CEP63: variants seen among roughly 807,000 people sequenced by gnomAD.
The protein encoded by CEP63 is centrosomal protein of 63 kDa.
Under a neutral mutation model 89.1 loss-of-function variants are expected in CEP63, and 84 were observed. The ratio of observed to expected loss-of-function variants is 0.94; its 90% CI spans 0.79 to 1.13. The LOEUF (loss-of-function observed/expected upper bound fraction) is 1.13. Among genes scored for constraint, CEP63 ranks in the 50% most tolerant of loss-of-function variants. The probability of loss-of-function intolerance (pLI) is 0.00; values close to 1 mark genes in which losing one functional copy is unlikely to be tolerated. For synonymous variants in CEP63, 267 were observed against 272.5 expected (o/e 0.98, Z 0.20); for missense variants, 838 against 813.3 (o/e 1.03, Z -0.37).
intron 2 of CEP63, among the ~76,000 whole-genome samples, chr3:134,501,895 T>C (rs574497922): frequency 6.6e-6 from 1 of 152,310 alleles, no homozygotes; most frequent in Non-Finnish European, 1.5e-5. Context: ...GAGGACATCC[T>C]TGTCATGTCC....
At chr3:134,603,534 G>T in the CEP63 span, 1 of 1,518,980 alleles carries the variant, frequency 6.6e-7, no homozygotes, top group Non-Finnish European at 8.9e-7. Flanking sequence ...TCCCTGGGGA[G>T]GTCTGGCCTT....
At chr3:134,705,138 T>A in the CEP63 span, among the ~76,000 whole-genome samples, 2 of 152,192 alleles carry the variant, frequency 1.3e-5, no homozygotes, top group South Asian at 2.1e-4. Context: ...TTTTGAGTTG[T>A]TATAACAAAA....
chr3:134,591,654 A>G (rs546994088), downstream of CEP63, among the ~76,000 whole-genome samples: 63 of 152,198 alleles, frequency 4.1e-4, no homozygotes, highest in South Asian at 1.2e-3. Flanking sequence ...TCAGGAGTTC[A>G]AGACCAGCCT....
chr3:134,658,840 C>A, the CEP63 span, among the ~76,000 whole-genome samples: 1 of 152,184 alleles, frequency 6.6e-6, no homozygotes, highest in Non-Finnish European at 1.5e-5. Flanking sequence ...CTGCTCCCTG[C>A]TCCGATCAGA....
At chr3:134,754,171 A>G in the CEP63 span, among the ~76,000 whole-genome samples, 2 of 152,178 alleles carry the variant, frequency 1.3e-5, no homozygotes, top group Non-Finnish European at 2.9e-5. Context: ...TGCATCACAC[A>G]CACGGTGATG....
Position 134,584,956 on chromosome 3 carries a change from G to GTTTTTTTTTTTTTTTTTTTTTTTTTTTTT in CEP63, c.1207-2484_1207-2483insTTTTTTTTTTTTTTTTTTTTTTTTTTTTT, listed in dbSNP as rs780691730. On this transcript the variant is annotated intron_variant, in intron 10 of 10. Coordinates refer to the CEP63 transcript ENST00000683931. ...ATCCATTTCTTCTAGATTTTCTAGG[G>GTTTTTTTTTTTTTTTTTTTTTTTTTTTTT]TTTTTTTTTTTTTTTTTTGCATGGA... 3.3e-4 allele frequency among the ~76,000 whole-genome samples: 12 copies of GTTTTTTTTTTTTTTTTTTTTTTTTTTTTT among 36,028 alleles called. 1 individual carries two copies. Among genetic ancestry groups the GTTTTTTTTTTTTTTTTTTTTTTTTTTTTT allele is most frequent in the South Asian group, 1.3e-3 (1 of 744 alleles). The allele number at this position is 36,028 out of a possible 152,430, so 23.6% of individuals were successfully genotyped here. A position where few individuals can be genotyped will look rare whatever the true frequency, so the allele number is the denominator to read the frequency against.
rs970047902 is a variant in CEP63 at position 134,559,114 on chromosome 3, T to A, written c.1674-36T>A. Reference sequence around the variant, plus strand: ...GTTGGAAAGAGAAAAGTTGCTACAATTTTTTATTTGTTTTGTTTTCTAATC... The same window carrying A: ...GTTGGAAAGAGAAAAGTTGCTACAAATTTTTATTTGTTTTGTTTTCTAATC... On this transcript the variant is annotated intron_variant, in intron 13 of 14. Coordinates refer to ENST00000675561, the MANE Select transcript of CEP63 (RefSeq NM_001353108.3). 2.5e-6 allele frequency: 4 copies of A among 1,609,866 alleles called. No homozygotes were observed. In the African/African-American group the frequency reaches 4.0e-5, roughly 16 times the overall value.
At chr3:134,661,923 G>A in the CEP63 span, among the ~76,000 whole-genome samples, 3 of 152,170 alleles carry the variant, frequency 2.0e-5, no homozygotes, top group Admixed American at 6.5e-5. Flanking sequence ...GATAGAATTA[G>A]TGCCCTTGTA....
chr3:134,575,662 A>ATT (rs1958199301), downstream of CEP63, among the ~76,000 whole-genome samples: 1 of 140,362 alleles, frequency 7.1e-6, no homozygotes, highest in Non-Finnish European at 1.5e-5. Context: ...CCCAGGTTGG[A>ATT]GTGCATTGGC....
the CEP63 span, chr3:134,651,047 C>T: frequency 6.3e-7 from 1 of 1,579,344 alleles, no homozygotes; most frequent in Non-Finnish European, 8.6e-7. Context: ...AGCTGCCCCA[C>T]ACGGGAGAGG....
chr3:134,682,232 C>G, the CEP63 span, among the ~76,000 whole-genome samples: 1 of 152,158 alleles, frequency 6.6e-6, no homozygotes, highest in African/African-American at 2.4e-5. Flanking sequence ...GTTCCTAAAG[C>G]CTGTTACTTC....
At chr3:134,612,418 C>A in the CEP63 span, among the ~76,000 whole-genome samples, 1 of 152,154 alleles carries the variant, frequency 6.6e-6, no homozygotes, top group Non-Finnish European at 1.5e-5. Flanking sequence ...CTCCTCATTT[C>A]TCTGCAGTGC....
At chr3:134,570,840 C>T (rs138491682) in intron 11 of CEP63, among the ~76,000 whole-genome samples, 332 of 152,340 alleles carry the variant, frequency 2.2e-3, no homozygotes, top group Non-Finnish European at 3.7e-3. Context: ...TACAGTTCCA[C>T]TTGGCTGGGA....
At chr3:134,678,331 T>A in the CEP63 span, among the ~76,000 whole-genome samples, 1 of 152,160 alleles carries the variant, frequency 6.6e-6, no homozygotes, top group Non-Finnish European at 1.5e-5. Context: ...ATCCTCTCTG[T>A]ACCCCCACCC....
chr3:134,735,977 A>G, the CEP63 span, among the ~76,000 whole-genome samples: 15 of 152,134 alleles, frequency 9.9e-5, no homozygotes, highest in African/African-American at 3.4e-4. Context: ...AAAAATCACA[A>G]GCCAGTAGCA....
chr3:134,729,532 C>G, the CEP63 span, among the ~76,000 whole-genome samples: 2 of 152,174 alleles, frequency 1.3e-5, no homozygotes, highest in Admixed American at 6.5e-5. Context: ...CTTGAGCAGA[C>G]ACAGTTTTTG....
chr3:134,659,922 C>T, the CEP63 span, among the ~76,000 whole-genome samples: 3 of 152,214 alleles, frequency 2.0e-5, no homozygotes, highest in African/African-American at 7.2e-5. Context: ...TTGCCTGTCC[C>T]CGGGGCAGAG....
intron 3 of CEP63, among the ~76,000 whole-genome samples, chr3:134,521,574 C>T (rs1031044176): frequency 3.3e-5 from 5 of 152,124 alleles, no homozygotes; most frequent in East Asian, 1.9e-4. Context: ...GTATTTTTCT[C>T]CTTGCTTATT....
chr3:134,701,567 C>G, the CEP63 span, among the ~76,000 whole-genome samples: 8,980 of 150,914 alleles, frequency 0.06, 468 homozygotes, highest in South Asian at 0.29. Flanking sequence ...CAAGGGTATT[C>G]AAGAGTGACA....
Sources: gnomAD v4.1 joint callset for allele counts (sites outside exome capture counted in the v4.1 genomes callset) on GRCh38, gnomAD v4.1.1 for gene constraint, MANE v1.5 for transcripts, NCBI Gene and HGNC (gene_info 2026-07-23, HGNC 2026-07-21) for gene names.